Variants in VPS54 observed in about 807,000 individuals in gnomAD.
VPS54 encodes VPS54 subunit of GARP complex.
Under a neutral mutation model 121.5 loss-of-function variants are expected in VPS54, and 45 were observed. That is an observed-to-expected ratio of 0.37 (90% CI 0.29 to 0.47). The LOEUF (loss-of-function observed/expected upper bound fraction) is 0.47, where lower values mean the gene tolerates loss of function less well. Ranked by LOEUF, VPS54 falls within the 20% of genes least tolerant of loss-of-function variation. VPS54 has a pLI of 0.99. For synonymous variants in VPS54, 371 were observed against 385.8 expected (o/e 0.96, Z 0.45); for missense variants, 1,090 against 1,131.4 (o/e 0.96, Z 0.52).
At chr2:63,989,976 G>A (rs915002282) in intron 1 of VPS54, among the ~76,000 whole-genome samples, 2 of 152,252 alleles carry the variant, frequency 1.3e-5, no homozygotes, top group Non-Finnish European at 2.9e-5. Flanking sequence ...ATATGTAAAA[G>A]TATGGGATCG....
intron 9 of VPS54, among the ~76,000 whole-genome samples, chr2:63,946,744 A>G (rs1200531510): frequency 6.6e-6 from 1 of 152,118 alleles, no homozygotes. Context: ...CATGGATTCT[A>G]GTTTATAATT....
intron 1 of VPS54, among the ~76,000 whole-genome samples, chr2:63,997,864 C>T (rs1270165611): frequency 2.0e-5 from 3 of 151,958 alleles, no homozygotes; most frequent in East Asian, 3.9e-4. Context: ...ATCATTTTTG[C>T]TGTATCCTCA....
chr2:63,895,134 T>C (rs963545475), intron 22 of VPS54, among the ~76,000 whole-genome samples: 1 of 152,130 alleles, frequency 6.6e-6, no homozygotes, highest in African/African-American at 2.4e-5. Flanking sequence ...TTTTAAAATA[T>C]CTTAGAGGAA....
chr2:63,971,808 C>T (rs116113816), intron 4 of VPS54, among the ~76,000 whole-genome samples: 5 of 152,272 alleles, frequency 3.3e-5, no homozygotes, highest in Non-Finnish European at 7.4e-5. Context: ...TTTAGGGTAT[C>T]ACTACGTTAC....
chr2:63,907,006 A>G (rs918915061), intron 20 of VPS54, among the ~76,000 whole-genome samples: 1 of 152,234 alleles, frequency 6.6e-6, no homozygotes, highest in Non-Finnish European at 1.5e-5. Context: ...ATATAATCTC[A>G]AAACCAAACA....
At chr2:63,976,822 TCTC>T (rs1167645957) in intron 3 of VPS54, among the ~76,000 whole-genome samples, 15 of 74,260 alleles carry the variant, frequency 2.0e-4, no homozygotes, top group African/African-American at 7.0e-4. Context: ...GCTTATATCT[TCTC>T]TTTTTTTTTT....
At chr2:63,975,074 C>A in intron 3 of VPS54, 1 of 1,528,948 alleles carries the variant, frequency 6.5e-7, no homozygotes, top group South Asian at 1.2e-5. Flanking sequence ...GAGACAGAGT[C>A]TCACTCTGTC....
intron 9 of VPS54, 87 bp from the exon 10 acceptor site, chr2:63,944,742 G>C: frequency 8.8e-7 from 1 of 1,132,072 alleles, no homozygotes; most frequent in Non-Finnish European, 1.3e-6. Context: ...ACATTAAAAA[G>C]GCCCTTACTA....
rs554346049 is a variant in VPS54, at chr2:63,984,959, T to TA, written c.-20-941dup. ...GAAAGAATATGAGGTTTAACAAGTC[T>TA]AAAAAAACAAAACAAAACAAAAAGC... On this transcript the variant is annotated intron_variant, in intron 1 of 22. Coordinates refer to ENST00000272322, the MANE Select transcript of VPS54 (RefSeq NM_016516.3). Among the ~76,000 whole-genome samples, 28 of 152,040 alleles carry TA rather than the reference T, an allele frequency of 1.8e-4. No individual in the cohort carries two copies. In the East Asian group the frequency reaches 4.6e-3, roughly 25 times the overall value.
intron 7 of VPS54, among the ~76,000 whole-genome samples, chr2:63,955,196 C>T (rs978146968): frequency 6.6e-6 from 1 of 151,786 alleles, no homozygotes; most frequent in South Asian, 2.1e-4. Flanking sequence ...CTTAGATAAA[C>T]AATTCATCTA....
At chr2:63,925,677 A>G (rs1190535486) in intron 12 of VPS54, among the ~76,000 whole-genome samples, 1 of 152,250 alleles carries the variant, frequency 6.6e-6, no homozygotes, top group Non-Finnish European at 1.5e-5. Flanking sequence ...AATCACTGCT[A>G]CATGTAACAA....
At chr2:63,975,437 G>A (rs1032126286) in intron 3 of VPS54, 1 of 160,794 alleles carries the variant, frequency 6.2e-6, no homozygotes, top group African/African-American at 2.4e-5. Flanking sequence ...CGGTTTAGGA[G>A]TCGAGTCATG....
chr2:63,930,783 A>G (rs1674155227), intron 12 of VPS54, among the ~76,000 whole-genome samples: 1 of 152,224 alleles, frequency 6.6e-6, no homozygotes, highest in South Asian at 2.1e-4. Flanking sequence ...TCAGCCCAAA[A>G]TCTCCTTAAG....
intron 1 of VPS54, among the ~76,000 whole-genome samples, chr2:64,005,855 G>C (rs763044359): frequency 6.6e-6 from 1 of 152,204 alleles, no homozygotes; most frequent in Non-Finnish European, 1.5e-5. Flanking sequence ...CCCTACAAGA[G>C]TCTGTGAACT....
rs373463952 is a variant in VPS54 at position 63,996,553 on chromosome 2, G to C, written c.-20-12534C>G. Among the ~76,000 whole-genome samples, 7 of 152,346 alleles carry C rather than the reference G, an allele frequency of 4.6e-5. 1 individual carries two copies. The South Asian group carries it at 1.5e-3, about 32-fold the overall frequency. On this transcript the variant is annotated intron_variant, in intron 1 of 22. Coordinates refer to ENST00000272322, the MANE Select transcript of VPS54 (RefSeq NM_016516.3). ...AGGGAGATAACCATTAGGTCTGACT[G>C]CCTGGAAGCCACGCAGGACAGAGCC...
chr2:63,922,257 G>A (rs1273179995), intron 12 of VPS54, among the ~76,000 whole-genome samples: 1 of 152,144 alleles, frequency 6.6e-6, no homozygotes, highest in Non-Finnish European at 1.5e-5. Flanking sequence ...AAAGACCAAT[G>A]ATTCCATGCC....
chr2:64,008,918 A>T (rs758006576), intron 1 of VPS54, among the ~76,000 whole-genome samples: 66 of 152,236 alleles, frequency 4.3e-4, no homozygotes, highest in Non-Finnish European at 8.2e-4. Flanking sequence ...ATAACCTAGT[A>T]AGAAAAATAT....
chr2:63,977,691 G>A (rs190145124), intron 3 of VPS54, among the ~76,000 whole-genome samples: 4 of 152,270 alleles, frequency 2.6e-5, no homozygotes, highest in South Asian at 4.1e-4. Context: ...CATCACAACC[G>A]CATCTGAGTC....
intron 1 of VPS54, among the ~76,000 whole-genome samples, chr2:64,016,610 A>ATT (rs34383340): frequency 7.3e-6 from 1 of 137,114 alleles, no homozygotes; most frequent in Admixed American, 7.3e-5. Context: ...TGAATTGTAT[A>ATT]TTTTTTTTTT....
Sources: allele counts gnomAD v4.1 joint callset (sites outside exome capture counted in the v4.1 genomes callset), GRCh38; gene constraint gnomAD v4.1.1; transcripts MANE v1.5; gene names NCBI Gene and HGNC (gene_info 2026-07-23, HGNC 2026-07-21).